Variants in ASXL3 observed in about 807,000 individuals in gnomAD.
ASXL3 encodes putative Polycomb group protein ASXL3.
In ASXL3, 34 loss-of-function variants were observed where a neutral mutation model predicts 170.6. The observed-to-expected ratio is 0.20, with a 90% CI of 0.15 to 0.27. The LOEUF (loss-of-function observed/expected upper bound fraction) is 0.27. Ranked by LOEUF, ASXL3 falls within the 10% of genes least tolerant of loss-of-function variation. ASXL3 has a pLI of 1.00. For synonymous variants in ASXL3, 1,002 were observed against 989.1 expected (o/e 1.01, Z -0.24); for missense variants, 2,592 against 2,695.3 (o/e 0.96, Z 0.85).
intron 2 of ASXL3, among the ~76,000 whole-genome samples, chr18:33,638,072 G>A (rs993297832): frequency 5.9e-5 from 9 of 151,518 alleles, no homozygotes; most frequent in Non-Finnish European, 1.3e-4. Context: ...TTAATAAAGA[G>A]GCATCTCAAT....
chr18:33,721,235 TAGAC>T (rs1397462282), intron 8 of ASXL3, among the ~76,000 whole-genome samples: 1 of 152,088 alleles, frequency 6.6e-6, no homozygotes, highest in Non-Finnish European at 1.5e-5. Context: ...TTTGGAAATT[TAGAC>T]AGGTCATGTG....
intron 2 of ASXL3, among the ~76,000 whole-genome samples, chr18:33,644,520 C>G (rs2065891311): frequency 2.0e-5 from 3 of 147,870 alleles, no homozygotes; most frequent in African/African-American, 7.4e-5. Flanking sequence ...ATCAAGTTGT[C>G]TGTAATATTT....
intron 11 of ASXL3, among the ~76,000 whole-genome samples, chr18:33,741,441 A>T (rs921392586): frequency 4.7e-4 from 72 of 152,238 alleles, no homozygotes; most frequent in African/African-American, 1.6e-3. Flanking sequence ...CTGATGTGAA[A>T]AAAAGGTAAA....
At chr18:33,647,646 C>T (rs1404500808) in intron 4 of ASXL3, among the ~76,000 whole-genome samples, 1 of 151,994 alleles carries the variant, frequency 6.6e-6, no homozygotes, top group Non-Finnish European at 1.5e-5. Context: ...GTACTCTTGC[C>T]TGGGTGAGCG....
At chr18:33,661,869 T>G in intron 5 of ASXL3, 132 bp downstream of exon 5, 2 of 1,020,440 alleles carry the variant, frequency 2.0e-6, no homozygotes, top group Non-Finnish European at 2.7e-6. Context: ...CCATCCATGA[T>G]ATTCAGTTCA....
intron 1 of ASXL3, among the ~76,000 whole-genome samples, chr18:33,594,267 C>G (rs190361006): frequency 1.3e-5 from 2 of 152,254 alleles, no homozygotes; most frequent in East Asian, 3.9e-4. Flanking sequence ...TTAGGGTTGG[C>G]TAAAGGTAAC....
At chr18:33,622,163 A>C (rs1426157877) in intron 2 of ASXL3, among the ~76,000 whole-genome samples, 1 of 152,122 alleles carries the variant, frequency 6.6e-6, no homozygotes, top group African/African-American at 2.4e-5. Flanking sequence ...GCAGTATATA[A>C]TATATGTAAT....
chr18:33,604,127 A>T (rs1370717689), intron 1 of ASXL3, among the ~76,000 whole-genome samples: 1 of 152,096 alleles, frequency 6.6e-6, no homozygotes, highest in African/African-American at 2.4e-5. Flanking sequence ...TGTAGGAAAG[A>T]TAAAGCATAC....
intron 8 of ASXL3, among the ~76,000 whole-genome samples, chr18:33,725,293 GCA>G (rs1004484276): frequency 3.7e-4 from 56 of 152,162 alleles, no homozygotes; most frequent in African/African-American, 1.2e-3. Context: ...GTACTATACT[GCA>G]CACACTGTTT....
chr18:33,602,602 C>T (rs1027400993), intron 1 of ASXL3, among the ~76,000 whole-genome samples: 1 of 152,026 alleles, frequency 6.6e-6, no homozygotes, highest in African/African-American at 2.4e-5. Context: ...ATGGAAAGCC[C>T]CCAGAGAGGA....
At chr18:33,640,026 T>A (rs2065822702) in intron 2 of ASXL3, among the ~76,000 whole-genome samples, 1 of 152,082 alleles carries the variant, frequency 6.6e-6, no homozygotes, top group South Asian at 2.1e-4. Context: ...TCACAAAATA[T>A]CTTCCTTTGA....
At chr18:33,596,063 A>C (rs559536520) in intron 1 of ASXL3, among the ~76,000 whole-genome samples, 1 of 152,182 alleles carries the variant, frequency 6.6e-6, no homozygotes, top group South Asian at 2.1e-4. Context: ...ACACACCTAC[A>C]TGTGCTAGTT....
intron 9 of ASXL3, among the ~76,000 whole-genome samples, chr18:33,732,957 T>C (rs2067476519): frequency 6.6e-6 from 1 of 152,148 alleles, no homozygotes. Flanking sequence ...ATTTGTTTTT[T>C]CACCCCATCC....
intron 7 of ASXL3, among the ~76,000 whole-genome samples, chr18:33,677,252 A>C (rs894262180): frequency 6.6e-6 from 1 of 152,188 alleles, no homozygotes; most frequent in Non-Finnish European, 1.5e-5. Flanking sequence ...TCAAAGCATA[A>C]ATATAAAAAT....
At chr18:33,694,774 G>A (rs1429629870) in intron 8 of ASXL3, among the ~76,000 whole-genome samples, 1 of 152,108 alleles carries the variant, frequency 6.6e-6, no homozygotes, top group Non-Finnish European at 1.5e-5. Context: ...TGTTCCTCCG[G>A]TTCTGCACTC....
At chr18:33,597,749 A>T (rs990087449) in intron 1 of ASXL3, among the ~76,000 whole-genome samples, 18 of 151,866 alleles carry the variant, frequency 1.2e-4, no homozygotes, top group Non-Finnish European at 1.9e-4. Context: ...GTATAAGTGA[A>T]TTAAAAGTGA....
chr18:33,665,053 A>G (rs550207158), intron 5 of ASXL3, among the ~76,000 whole-genome samples: 2 of 152,242 alleles, frequency 1.3e-5, no homozygotes, highest in East Asian at 3.9e-4. Flanking sequence ...TATTTTAGTT[A>G]TGATCCTAAA....
In ASXL3 at chr18:33,578,307, A is replaced by G. The variant is rs954989809; in HGVS notation, c.-325A>G. ...GGCGGTGGCGCAGCGCGAGCCCCGC[A>G]CGAGCGAGCCCGGCCGGCGCCGCCC... On this transcript the variant is annotated 5_prime_UTR_variant, in exon 1 of 12. Transcript: ENST00000269197. 42 of 145,360 alleles carry G rather than the reference A, an allele frequency of 2.9e-4. No individual in the cohort carries two copies. The highest frequency in any genetic ancestry group is 1.0e-3 in the African/African-American group (42 of 40,282). The allele number at this position is 145,360 out of a possible 1,614,324, so 9.0% of individuals were successfully genotyped here. A position where few individuals can be genotyped will look rare whatever the true frequency, so the allele number is the denominator to read the frequency against.
At chr18:33,740,891 G>A (rs1339655945) in intron 11 of ASXL3, among the ~76,000 whole-genome samples, 1 of 152,160 alleles carries the variant, frequency 6.6e-6, no homozygotes, top group Admixed American at 6.5e-5. Flanking sequence ...TTATCTAAGT[G>A]CATTTATACT....
Sources: gnomAD v4.1 joint callset for allele counts (sites outside exome capture counted in the v4.1 genomes callset) on GRCh38, gnomAD v4.1.1 for gene constraint, MANE v1.5 for transcripts, NCBI Gene and HGNC (gene_info 2026-07-23, HGNC 2026-07-21) for gene names.